Variants in TSPEAR observed in about 807,000 individuals in gnomAD.
TSPEAR encodes thrombospondin-type laminin G domain and EAR repeat-containing protein.
A neutral mutation model predicts 71.6 loss-of-function variants in TSPEAR; 69 were observed. The observed-to-expected ratio is 0.96, with a 90% CI of 0.79 to 1.18. The LOEUF (loss-of-function observed/expected upper bound fraction) is 1.18, where lower values mean the gene tolerates loss of function less well. Among genes scored for constraint, TSPEAR ranks in the 50% most tolerant of loss-of-function variants. The probability of loss-of-function intolerance (pLI) is 0.00; values close to 1 mark genes in which losing one functional copy is unlikely to be tolerated. For missense variants in TSPEAR, 971 were observed against 894.9 expected (o/e 1.09, Z -1.09); for synonymous variants, 402 against 387.2 (o/e 1.04, Z -0.45).
intron 9 of TSPEAR, among the ~76,000 whole-genome samples, chr21:44,515,039 G>A (rs782586328): frequency 9.2e-5 from 14 of 152,016 alleles, no homozygotes; most frequent in South Asian, 8.3e-4. Flanking sequence ...CCACACCCCC[G>A]CAGACCCCTC....
chr21:44,590,307 C>T (rs935436352), intron 1 of TSPEAR, among the ~76,000 whole-genome samples: 39 of 152,254 alleles, frequency 2.6e-4, no homozygotes, highest in African/African-American at 7.0e-4. Context: ...AGTGCCAGAG[C>T]GGAGGGTGGC....
At chr21:44,575,461 T>C (rs180855830) in intron 1 of TSPEAR, 10 of 187,952 alleles carry the variant, frequency 5.3e-5, no homozygotes, top group Admixed American at 4.2e-4. Flanking sequence ...TTCAGGCCCC[T>C]GAGTGTTTTC....
intron 1 of TSPEAR, chr21:44,686,354 A>G (rs4818957): frequency 0.74 from 112,460 of 152,158 alleles, 42,090 homozygotes; most frequent in African/African-American, 0.86. Flanking sequence ...TTGCTGCCCG[A>G]ATGCCCATGA....
chr21:44,709,309 G>A (rs2146343757), intron 1 of TSPEAR, among the ~76,000 whole-genome samples: 1 of 152,378 alleles, frequency 6.6e-6, no homozygotes, highest in African/African-American at 2.4e-5. Context: ...ACAAGAATCG[G>A]AAGGGTCCCT....
chr21:44,553,215 C>T (rs868968714), intron 2 of TSPEAR, among the ~76,000 whole-genome samples: 7 of 152,278 alleles, frequency 4.6e-5, no homozygotes, highest in Middle Eastern at 3.4e-3. Context: ...TGGACAGACG[C>T]GGAAGCTTCA....
intron 1 of TSPEAR, among the ~76,000 whole-genome samples, chr21:44,709,660 A>T (rs1555953205): frequency 6.6e-6 from 1 of 152,226 alleles, no homozygotes; most frequent in Non-Finnish European, 1.5e-5. Context: ...CAGGATGAGA[A>T]AGCTGAGACG....
At chr21:44,672,556 CA>C (rs1555946188) in intron 1 of TSPEAR, among the ~76,000 whole-genome samples, 60 of 142,842 alleles carry the variant, frequency 4.2e-4, no homozygotes, top group African/African-American at 1.5e-3. Flanking sequence ...GGCGATAGAG[CA>C]AAACTCCGTC....
chr21:44,503,568 TG>T lies in TSPEAR; in HGVS notation c.1856+1211del, dbSNP rs587649568. Among the ~76,000 whole-genome samples, 33 of 121,832 alleles carry T rather than the reference TG, an allele frequency of 2.7e-4. 1 individual carries two copies. Among genetic ancestry groups the T allele is most frequent in the East Asian group, 2.6e-4 (1 of 3,790 alleles). 79.9% of individuals were successfully genotyped at this position (121,832 alleles called of 152,430 possible). ...AGCCCACAGTGGGGAAGCAATGTGC[TG>T]GGAGGAAGCTGGCCTCGGTGAGCCC... On this transcript the variant is annotated intron_variant, in intron 11 of 11. Transcript: ENST00000323084.
chr21:44,531,481 G>A (rs1409068793), intron 3 of TSPEAR, among the ~76,000 whole-genome samples: 1 of 152,150 alleles, frequency 6.6e-6, no homozygotes, highest in Non-Finnish European at 1.5e-5. Flanking sequence ...AGCAGGGCCC[G>A]CCTCACTCCA....
chr21:44,571,264 G>T (rs1003539470), intron 1 of TSPEAR, among the ~76,000 whole-genome samples: 1 of 152,236 alleles, frequency 6.6e-6, no homozygotes, highest in African/African-American at 2.4e-5. Context: ...TGCCCAGGCT[G>T]ATCTCAAACT....
At chr21:44,514,126 G>T (rs1019822400) in intron 9 of TSPEAR, among the ~76,000 whole-genome samples, 1 of 152,132 alleles carries the variant, frequency 6.6e-6, no homozygotes, top group Non-Finnish European at 1.5e-5. Flanking sequence ...GAGCCCTCCC[G>T]CCCAGGCTCT....
intron 2 of TSPEAR, among the ~76,000 whole-genome samples, chr21:44,548,274 G>C (rs1486555917): frequency 6.6e-6 from 1 of 152,206 alleles, no homozygotes; most frequent in Non-Finnish European, 1.5e-5. Flanking sequence ...CTGCCTTCCT[G>C]ACTGTCACCC....
intron 1 of TSPEAR, among the ~76,000 whole-genome samples, chr21:44,610,483 A>G (rs1414236797): frequency 6.6e-6 from 1 of 152,218 alleles, no homozygotes; most frequent in Non-Finnish European, 1.5e-5. Context: ...GAAGTTTGGG[A>G]ACCTCCGCCT....
Position 44,711,281 on chromosome 21 carries a change from C to G in TSPEAR, c.82+152G>C. The G allele has an allele frequency of 1.6e-6, 1 of 640,520 alleles. No individual in the cohort carries two copies. The highest frequency in any genetic ancestry group is 2.7e-6 in the Non-Finnish European group (1 of 370,456). The allele number at this position is 640,520 out of a possible 1,614,324, so 39.7% of individuals were successfully genotyped here. ...CCACCTGTGCTCCTCCCGCCTCTGC[C>G]CATCTCCACAGGGTGCTACCTGCCA... On this transcript the variant is annotated intron_variant, in intron 1 of 11. Coordinates refer to ENST00000323084, the MANE Select transcript of TSPEAR (RefSeq NM_144991.3). This position sits in a 1 kb window ranked among gnomAD's most constrained non-coding sequence, Gnocchi z 4.5.
chr21:44,597,858 TA>T (rs1980472915), intron 1 of TSPEAR, among the ~76,000 whole-genome samples: 1 of 152,254 alleles, frequency 6.6e-6, no homozygotes, highest in African/African-American at 2.4e-5. Flanking sequence ...TGATTTAGTT[TA>T]TATCTATCTG....
chr21:44,536,836 G>A (rs978202457), intron 2 of TSPEAR, among the ~76,000 whole-genome samples: 17 of 152,194 alleles, frequency 1.1e-4, no homozygotes, highest in Middle Eastern at 3.4e-3. Context: ...AACTTGCAAA[G>A]GAAAGGAGCT....
intron 1 of TSPEAR, chr21:44,601,225 A>G: frequency 1.3e-6 from 2 of 1,594,718 alleles, no homozygotes; most frequent in Non-Finnish European, 1.7e-6. Context: ...AGGCTGCATC[A>G]GCTCCTGCAC....
Position 44,499,488 on chromosome 21 carries a change from G to A in TSPEAR, c.*295C>T, listed in dbSNP as rs911002192. On this transcript the variant is annotated 3_prime_UTR_variant, in exon 12 of 12. Transcript: ENST00000323084. ...GTTTGAGGTAAAAATGTATAGAAAC[G>A]GTTCCTTGACAGCGAAATCCCCGCT... is the stretch of plus-strand genomic sequence containing the variant. The A allele has an allele frequency of 2.7e-5, 10 of 376,924 alleles. 1 individual carries two copies. Among genetic ancestry groups the A allele is most frequent in the African/African-American group, 8.5e-5 (4 of 46,906 alleles). 23.3% of individuals were successfully genotyped at this position (376,924 alleles called of 1,614,324 possible). A position where few individuals can be genotyped will look rare whatever the true frequency, so the allele number is the denominator to read the frequency against.
chr21:44,529,053 A>G (rs587695419), intron 5 of TSPEAR, among the ~76,000 whole-genome samples: 1 of 152,318 alleles, frequency 6.6e-6, no homozygotes, highest in African/African-American at 2.4e-5. Context: ...TATGTGGGAC[A>G]TCTGTGCACC....
Sources: allele counts gnomAD v4.1 joint callset (sites outside exome capture counted in the v4.1 genomes callset), GRCh38; gene constraint gnomAD v4.1.1; non-coding constraint Gnocchi (gnomAD v3.1); transcripts MANE v1.5; gene names NCBI Gene and HGNC (gene_info 2026-07-23, HGNC 2026-07-21).